GABRB2: variants seen among roughly 807,000 people sequenced by gnomAD.
GABRB2 encodes gamma-aminobutyric acid receptor subunit beta-2.
In GABRB2, 16 loss-of-function variants were observed where a neutral mutation model predicts 54.7. The ratio of observed to expected loss-of-function variants is 0.29; its 90% CI spans 0.20 to 0.44. The LOEUF is 0.44. GABRB2 is among the 20% of genes least tolerant of loss of function. GABRB2 has a pLI of 1.00. For synonymous variants in GABRB2, 244 were observed against 233.8 expected (o/e 1.04, Z -0.40); for missense variants, 355 against 644.0 (o/e 0.55, Z 4.86).
intron 2 of GABRB2, among the ~76,000 whole-genome samples, chr5:161,546,047 C>CA (rs1443819245): frequency 2.0e-5 from 3 of 152,198 alleles, no homozygotes; most frequent in Non-Finnish European, 4.4e-5. Flanking sequence ...CTCAACAAAG[C>CA]AAAGGCAGGG....
intron 4 of GABRB2, among the ~76,000 whole-genome samples, chr5:161,455,201 C>A (rs1012055541): frequency 6.6e-6 from 1 of 152,060 alleles, no homozygotes; most frequent in Non-Finnish European, 1.5e-5. Flanking sequence ...CCATCAGAAG[C>A]AGTGGGCATG....
At chr5:161,473,793 A>G (rs1465589085) in intron 3 of GABRB2, among the ~76,000 whole-genome samples, 1 of 151,926 alleles carries the variant, frequency 6.6e-6, no homozygotes, top group Non-Finnish European at 1.5e-5. Flanking sequence ...GCACCTCAGT[A>G]TTTGCTGACT....
rs1393750693 is a variant in GABRB2, at chr5:161,362,904, A to T, written c.542-26135T>A. 5.3e-5 allele frequency among the ~76,000 whole-genome samples: 8 copies of T among 152,312 alleles called. No homozygotes were observed. In the East Asian group the frequency reaches 7.7e-4, roughly 15 times the overall value. On this transcript the variant is annotated intron_variant, in intron 5 of 9. Transcript: ENST00000393959. Reference sequence around the variant, plus strand: ...CAGATGCTGGAGAGGACGTGGAGAAATAGGAATGCTTTTACACTGTTGATG... The same window carrying T: ...CAGATGCTGGAGAGGACGTGGAGAATTAGGAATGCTTTTACACTGTTGATG...
chr5:161,528,050 A>T (rs538290333), intron 3 of GABRB2, among the ~76,000 whole-genome samples: 3 of 151,748 alleles, frequency 2.0e-5, no homozygotes, highest in Non-Finnish European at 4.4e-5. Context: ...AACCCAAATG[A>T]TCATAATGTC....
At position 161,417,402 on chromosome 5, in the gene GABRB2, A is replaced by G. The variant is rs550529626; in HGVS notation, c.459-6345T>C. 1.3e-4 allele frequency among the ~76,000 whole-genome samples: 20 copies of G among 152,322 alleles called. No homozygotes were observed. The East Asian group carries it at 3.7e-3, about 28-fold the overall frequency. On this transcript the variant is annotated intron_variant, in intron 4 of 9. Coordinates refer to ENST00000393959, the MANE Select transcript of GABRB2 (RefSeq NM_001371727.1). ...AGAAAATTGAGGCACAGAAAAGTAGAGTGATTTTCCCCAAGAGTCACACGG... is the reference window on the plus strand; with the variant it reads ...AGAAAATTGAGGCACAGAAAAGTAGGGTGATTTTCCCCAAGAGTCACACGG...
chr5:161,392,177 T>A (rs1387722801), intron 5 of GABRB2, among the ~76,000 whole-genome samples: 1 of 152,132 alleles, frequency 6.6e-6, no homozygotes, highest in African/African-American at 2.4e-5. Flanking sequence ...CTCATGCCCA[T>A]GGAGCCAACG....
chr5:161,480,562 T>C (rs1758732535), intron 3 of GABRB2, among the ~76,000 whole-genome samples: 2 of 152,064 alleles, frequency 1.3e-5, no homozygotes, highest in Admixed American at 1.3e-4. Context: ...CTGTGTCTGA[T>C]ACAAAGAAAG....
At chr5:161,452,762 G>C (rs1757826825) in intron 4 of GABRB2, among the ~76,000 whole-genome samples, 1 of 152,078 alleles carries the variant, frequency 6.6e-6, no homozygotes, top group South Asian at 2.1e-4. Context: ...GGGAAGCCGA[G>C]GCAGGTGGAT....
intron 3 of GABRB2, among the ~76,000 whole-genome samples, chr5:161,538,511 T>C (rs1480740787): frequency 6.6e-6 from 1 of 152,170 alleles, no homozygotes; most frequent in Non-Finnish European, 1.5e-5. Flanking sequence ...AGTAAGAATC[T>C]GATGTAACTA....
chr5:161,546,267 G>A, intron 2 of GABRB2, 55 bp downstream of exon 2: 1 of 1,432,560 alleles, frequency 7.0e-7, no homozygotes, highest in Non-Finnish European at 9.9e-7. Context: ...CGCGCACAAA[G>A]CTCAAAAGAC....
chr5:161,530,117 C>T (rs992794996), intron 3 of GABRB2, among the ~76,000 whole-genome samples: 1 of 152,030 alleles, frequency 6.6e-6, no homozygotes, highest in Non-Finnish European at 1.5e-5. Flanking sequence ...GGGTTTTAGT[C>T]TCACCTCGAG....
chr5:161,456,383 A>G (rs1757956552), intron 4 of GABRB2, among the ~76,000 whole-genome samples: 1 of 152,216 alleles, frequency 6.6e-6, no homozygotes, highest in Non-Finnish European at 1.5e-5. Flanking sequence ...GTTGTTCATT[A>G]GGGCCTTATT....
At chr5:161,351,694 T>C (rs576824784) in intron 5 of GABRB2, among the ~76,000 whole-genome samples, 44 of 151,884 alleles carry the variant, frequency 2.9e-4, no homozygotes, top group Middle Eastern at 3.4e-3. Context: ...AGCAAAAACA[T>C]ACAAATGGGA....
intron 4 of GABRB2, among the ~76,000 whole-genome samples, chr5:161,412,374 A>C (rs1756539746): frequency 6.6e-6 from 1 of 152,062 alleles, no homozygotes; most frequent in East Asian, 1.9e-4. Flanking sequence ...TCTTTCCCCA[A>C]GTCCTGTTGG....
chr5:161,543,120 C>T (rs1347526271), intron 3 of GABRB2, among the ~76,000 whole-genome samples: 4 of 152,228 alleles, frequency 2.6e-5, no homozygotes, highest in Non-Finnish European at 5.9e-5. Context: ...ACACTTGGTT[C>T]TAATCATTAA....
At chr5:161,491,581 G>A (rs1362043065) in intron 3 of GABRB2, among the ~76,000 whole-genome samples, 1 of 151,562 alleles carries the variant, frequency 6.6e-6, no homozygotes, top group Non-Finnish European at 1.5e-5. Context: ...CATCAATACT[G>A]CAATGATTGT....
At chr5:161,394,229 C>T (rs778864760) in intron 5 of GABRB2, among the ~76,000 whole-genome samples, 2 of 151,882 alleles carry the variant, frequency 1.3e-5, no homozygotes, top group Non-Finnish European at 2.9e-5. Flanking sequence ...AAGAGGGAAA[C>T]GTGTTGCTTT....
intron 2 of GABRB2, among the ~76,000 whole-genome samples, chr5:161,545,601 A>G (rs1760959090): frequency 6.6e-6 from 1 of 152,056 alleles, no homozygotes; most frequent in Admixed American, 6.6e-5. Flanking sequence ...GAATCCTTCT[A>G]GTCTAAGGGA....
intron 5 of GABRB2, among the ~76,000 whole-genome samples, chr5:161,353,430 T>C (rs951043510): frequency 1.3e-5 from 2 of 152,070 alleles, no homozygotes; most frequent in African/African-American, 4.8e-5. Flanking sequence ...CCTTCCACAT[T>C]GGTTATTGAC....
Sources: gnomAD v4.1 joint callset for allele counts (sites outside exome capture counted in the v4.1 genomes callset) on GRCh38, gnomAD v4.1.1 for gene constraint, MANE v1.5 for transcripts, NCBI Gene and HGNC (gene_info 2026-07-23, HGNC 2026-07-21) for gene names.